The following BET1 variants were observed in gnomAD, a reference collection of about 807,000 sequenced individuals.
The protein encoded by BET1 is BET1 homolog.
BET1 carries 9 observed loss-of-function variants against 13.9 expected under a neutral mutation model. The ratio of observed to expected loss-of-function variants is 0.65; its 90% confidence interval spans 0.39 to 1.13. The LOEUF is 1.13. Among genes scored for constraint, BET1 ranks in the 50% most tolerant of loss-of-function variants. The pLI is 0.01. For missense variants in BET1, 127 were observed against 133.6 expected, an observed-to-expected ratio of 0.95 and a Z score of 0.24; for synonymous variants, 39 against 47.3, an observed-to-expected ratio of 0.82 and a Z score of 0.72.
exon 7 of BET1, chr7:93,964,384 C>T (rs1029616373): frequency 1.3e-5 from 2 of 151,986 alleles, no homozygotes; most frequent in Admixed American, 1.3e-4. Context: ...TCTGTTCCTG[C>T]ATTAATTCGA....
downstream of BET1, chr7:93,993,022 A>G: frequency 8.1e-6 from 8 of 984,192 alleles, no homozygotes; most frequent in Non-Finnish European, 9.7e-6. Flanking sequence ...ATTAGGGATG[A>G]ACAAAAAGAA....
At chr7:94,000,809 A>C (rs145795225) in intron 1 of BET1, among the ~76,000 whole-genome samples, 7 of 152,306 alleles carry the variant, frequency 4.6e-5, no homozygotes, top group African/African-American at 1.4e-4. Context: ...CAGTGACTTG[A>C]GAATGTGGGG....
chr7:93,982,598 G>A (rs726820), intron 4 of BET1, among the ~76,000 whole-genome samples: 14,319 of 152,058 alleles, frequency 0.094, 832 homozygotes, highest in Non-Finnish European at 0.13. Context: ...GGAATTCTCC[G>A]TGTCTTTGTG....
intron 4 of BET1, among the ~76,000 whole-genome samples, chr7:93,976,370 G>A (rs187921018): frequency 6.6e-6 from 1 of 151,488 alleles, no homozygotes; most frequent in African/African-American, 2.4e-5. Context: ...GTGTGTGTGT[G>A]TAAACATACA....
At chr7:93,965,396 T>C (rs1795156974) in exon 7 of BET1, 1 of 152,068 alleles carries the variant, frequency 6.6e-6, no homozygotes, top group African/African-American at 2.4e-5. Flanking sequence ...GAAAAAAAGC[T>C]CAAGTCCTAT....
intron 6 of BET1, chr7:93,969,705 G>A (rs1051617404): frequency 6.6e-6 from 1 of 151,688 alleles, no homozygotes; most frequent in Non-Finnish European, 1.5e-5. Flanking sequence ...ACAACAGTCA[G>A]TGCAATCTCA....
At chr7:93,990,326 C>T (rs570539829), downstream of BET1, among the ~76,000 whole-genome samples, 4 of 152,014 alleles carry the variant, frequency 2.6e-5, no homozygotes, top group African/African-American at 9.6e-5. Context: ...TAATAAATTA[C>T]CAGCTGGTCG....
intron 5 of BET1, chr7:93,975,803 G>T: frequency 2.1e-6 from 1 of 475,224 alleles, no homozygotes; most frequent in Non-Finnish European, 2.9e-6. Flanking sequence ...AGAATGTCAT[G>T]ATGTTCTCTT....
At chr7:93,971,950 C>A (rs1050636186) in intron 6 of BET1, among the ~76,000 whole-genome samples, 2 of 149,952 alleles carry the variant, frequency 1.3e-5, no homozygotes. Context: ...AAAAAAAAAG[C>A]CATTGGATAT....
At chr7:93,994,833 T>C (rs532595221) in intron 3 of BET1, among the ~76,000 whole-genome samples, 10 of 152,040 alleles carry the variant, frequency 6.6e-5, no homozygotes, top group Non-Finnish European at 1.2e-4. Flanking sequence ...AGCAGTTAAA[T>C]GTACTTTTAT....
rs1795677961 is a variant in BET1, at chr7:93,993,252, G to A, written c.*978C>T. The stretch of plus-strand genomic sequence containing the variant: ...AGAGACTTAAAGAAGTAACACAGTC[G>A]ACTAATATATTTTATTTAAAAATTT... On this transcript the variant is annotated 3_prime_UTR_variant, in exon 4 of 4. Transcript: ENST00000222547. 1.0e-6 allele frequency: 1 copy of A among 953,980 alleles called. No individual in the cohort carries two copies. Among genetic ancestry groups the A allele is most frequent in the South Asian group, 4.9e-5 (1 of 20,608 alleles). 59.1% of individuals were successfully genotyped at this position (953,980 alleles called of 1,614,324 possible).
intron 1 of BET1, among the ~76,000 whole-genome samples, chr7:94,002,907 C>G (rs1227159711): frequency 6.6e-6 from 1 of 152,202 alleles, no homozygotes; most frequent in Non-Finnish European, 1.5e-5. Flanking sequence ...ACAAAGTACA[C>G]AGTGATCTAT....
At chr7:93,969,170 A>G (rs1420401158) in intron 6 of BET1, among the ~76,000 whole-genome samples, 1 of 151,854 alleles carries the variant, frequency 6.6e-6, no homozygotes, top group Admixed American at 6.6e-5. Flanking sequence ...AAAAGTGAGG[A>G]GTAAGAGGAG....
At chr7:93,997,809 G>A (rs183115618) in intron 2 of BET1, among the ~76,000 whole-genome samples, 2 of 152,288 alleles carry the variant, frequency 1.3e-5, no homozygotes, top group African/African-American at 4.8e-5. Context: ...TATGCTAAGT[G>A]CTATATAGAA....
chr7:93,962,895 T>C (rs973607071), exon 7 of BET1: 2 of 152,084 alleles, frequency 1.3e-5, no homozygotes, highest in African/African-American at 4.8e-5. Flanking sequence ...GGTAAACATC[T>C]TGGCTATAAT....
At chr7:93,971,401 T>A (rs1447352291) in intron 6 of BET1, among the ~76,000 whole-genome samples, 1 of 151,808 alleles carries the variant, frequency 6.6e-6, no homozygotes, top group Non-Finnish European at 1.5e-5. Flanking sequence ...AATACAGGAA[T>A]TCTGTTCCTG....
chr7:93,981,148 T>G (rs1795421423), intron 4 of BET1, among the ~76,000 whole-genome samples: 1 of 152,200 alleles, frequency 6.6e-6, no homozygotes, highest in Non-Finnish European at 1.5e-5. Context: ...TGGGGGTGTT[T>G]CTACACAAAT....
intron 5 of BET1, among the ~76,000 whole-genome samples, chr7:93,975,629 C>T (rs1795323581): frequency 6.6e-6 from 1 of 152,094 alleles, no homozygotes; most frequent in South Asian, 2.1e-4. Context: ...TAGCAAAGGA[C>T]ATTCCACACC....
intron 5 of BET1, among the ~76,000 whole-genome samples, chr7:93,974,939 A>G (rs1441264812): frequency 6.6e-6 from 1 of 152,132 alleles, no homozygotes; most frequent in Non-Finnish European, 1.5e-5. Flanking sequence ...TACATGATAT[A>G]CATATATTGA....
Sources: gnomAD v4.1 joint callset for allele counts (sites outside exome capture counted in the v4.1 genomes callset) on GRCh38, gnomAD v4.1.1 for gene constraint, MANE v1.5 for transcripts, NCBI Gene and HGNC (gene_info 2026-07-23, HGNC 2026-07-21) for gene names.